The following DOCK4 variants were observed in gnomAD, a reference collection of about 807,000 sequenced individuals.
DOCK4 encodes dedicator of cytokinesis protein 4.
Under a neutral mutation model 268.1 loss-of-function variants are expected in DOCK4, and 97 were observed. The observed-to-expected ratio is 0.36, with a 90% CI of 0.31 to 0.43. The LOEUF is 0.43. DOCK4 is among the 20% of genes least tolerant of loss of function. The pLI is 1.00. For missense variants in DOCK4, 2,145 were observed against 2,455.7 expected, an observed-to-expected ratio of 0.87 and a Z score of 2.67; for synonymous variants, 954 against 887.2, an observed-to-expected ratio of 1.08 and a Z score of -1.34.
rs566544075 is a variant in DOCK4, at chr7:111,827,035, C to T, written c.2836-4579G>A. Among the ~76,000 whole-genome samples the T allele has an allele frequency of 2.0e-5, 3 of 152,200 alleles. No individual in the cohort carries two copies. In the South Asian group the frequency reaches 6.2e-4, roughly 32 times the overall value. On this transcript the variant is annotated intron_variant, in intron 26 of 52. Coordinates refer to ENST00000428084, the MANE Select transcript of DOCK4 (RefSeq NM_001363540.2). The stretch of plus-strand genomic sequence containing the variant: ...AACAAAGCATCATGAGGCTGCTACA[C>T]AGACTAGGGCATTTTCTTCTTACTT...
chr7:111,771,862 T>C (rs1206726049), intron 36 of DOCK4, among the ~76,000 whole-genome samples: 3 of 152,210 alleles, frequency 2.0e-5, no homozygotes, highest in Non-Finnish European at 4.4e-5. Context: ...AAATAACTCC[T>C]ACTTTCTCTT....
In DOCK4 at chr7:111,741,543, C is replaced by T. The variant is rs765468990; in HGVS notation, c.4916G>A (p.Arg1639His). 35 of 1,612,518 alleles carry T rather than the reference C, an allele frequency of 2.2e-5. No individual in the cohort carries two copies. Among genetic ancestry groups the T allele is most frequent in the Middle Eastern group, 1.6e-4 (1 of 6,074 alleles). Residue 1639 changes from arginine to histidine, a missense_variant, in exon 46 of 53, where the codon CGC (arginine) becomes CAC (histidine). Arg to His is a conservative substitution (Grantham distance 29). This residue lies in a region of DOCK4 where 547 missense variants were observed against 469.0 expected (regional missense o/e 1.17). Transcript: ENST00000428084. ...SPDGTRVIPR[R>H]SPLSYPAVNR... is the part of the protein sequence containing the mutation. ...GATAATTTGGAATATGACTTACCTG[C>T]GTCTAGGAATTACCCTGGTACCATC...
chr7:112,134,853 C>T (rs10953701), intron 1 of DOCK4, among the ~76,000 whole-genome samples: 73,726 of 152,010 alleles, frequency 0.49, 18,018 homozygotes, highest in African/African-American at 0.54. Context: ...AATAAGAAAA[C>T]GCTATGCTTC....
chr7:111,791,690 C>T (rs559951928), intron 30 of DOCK4, among the ~76,000 whole-genome samples: 19 of 152,188 alleles, frequency 1.2e-4, no homozygotes, highest in African/African-American at 2.9e-4. Context: ...TCATGTGATC[C>T]GCCCAGCTTG....
chr7:112,034,043 T>C (rs1437038061), intron 1 of DOCK4, among the ~76,000 whole-genome samples: 2 of 152,136 alleles, frequency 1.3e-5, no homozygotes, highest in Non-Finnish European at 1.5e-5. Flanking sequence ...ACCTAATATT[T>C]TCACTTGCAT....
intron 42 of DOCK4, among the ~76,000 whole-genome samples, chr7:111,753,704 C>A (rs1168491421): frequency 6.6e-6 from 1 of 152,294 alleles, no homozygotes; most frequent in East Asian, 1.9e-4. Context: ...TACTACCTGT[C>A]CCTGTTCTTG....
intron 8 of DOCK4, among the ~76,000 whole-genome samples, chr7:111,955,517 T>C (rs895577242): frequency 1.3e-5 from 2 of 152,212 alleles, no homozygotes; most frequent in African/African-American, 4.8e-5. Context: ...GCCAATTCCA[T>C]TGCCAATTTT....
At chr7:112,135,880 A>C (rs1814296609) in intron 1 of DOCK4, among the ~76,000 whole-genome samples, 1 of 152,204 alleles carries the variant, frequency 6.6e-6, no homozygotes, top group African/African-American at 2.4e-5. Flanking sequence ...AGAAAATAAT[A>C]AGAGAAACCA....
intron 30 of DOCK4, among the ~76,000 whole-genome samples, chr7:111,794,329 T>A (rs1054258088): frequency 2.0e-5 from 3 of 152,206 alleles, no homozygotes; most frequent in Non-Finnish European, 2.9e-5. Context: ...GAGCCTGGTC[T>A]GGGGCTCGAG....
intron 1 of DOCK4, among the ~76,000 whole-genome samples, chr7:112,065,845 G>C (rs1203280460): frequency 2.0e-5 from 3 of 152,058 alleles, no homozygotes; most frequent in Non-Finnish European, 4.4e-5. Context: ...TTAAGGAGGA[G>C]TTACAGACAT....
At chr7:112,181,639 C>CAAAA (rs55807955) in intron 1 of DOCK4, among the ~76,000 whole-genome samples, 7,546 of 64,866 alleles carry the variant, frequency 0.12, 840 homozygotes, top group Middle Eastern at 0.17. Flanking sequence ...GACACTGTCT[C>CAAAA]AAAAAAAAAA....
chr7:111,969,376 C>G (rs901892601), intron 8 of DOCK4, among the ~76,000 whole-genome samples: 1 of 149,238 alleles, frequency 6.7e-6, no homozygotes, highest in Non-Finnish European at 1.5e-5. Context: ...CCAGTTGCCA[C>G]CAGATATCTC....
intron 13 of DOCK4, among the ~76,000 whole-genome samples, chr7:111,914,866 G>C (rs1279214320): frequency 6.6e-6 from 1 of 152,146 alleles, no homozygotes; most frequent in Non-Finnish European, 1.5e-5. Context: ...TATAGCCCCA[G>C]TATTTGGAAG....
intron 1 of DOCK4, among the ~76,000 whole-genome samples, chr7:112,132,651 C>T (rs1206945678): frequency 6.6e-6 from 1 of 152,052 alleles, no homozygotes; most frequent in Non-Finnish European, 1.5e-5. Context: ...GGGGAAAGGC[C>T]TTTGGTCTTG....
chr7:111,854,901 C>T (rs1804876693), intron 23 of DOCK4, among the ~76,000 whole-genome samples: 1 of 152,198 alleles, frequency 6.6e-6, no homozygotes, highest in Non-Finnish European at 1.5e-5. Context: ...ACCCAATTCT[C>T]TATTTCATTA....
intron 4 of DOCK4, among the ~76,000 whole-genome samples, chr7:111,994,514 AG>A (rs1799776803): frequency 6.6e-6 from 1 of 152,206 alleles, no homozygotes; most frequent in Non-Finnish European, 1.5e-5. Flanking sequence ...ACGACTAGGC[AG>A]CAACTCATTT....
At chr7:111,755,038 G>A (rs1372685427) in intron 42 of DOCK4, among the ~76,000 whole-genome samples, 1 of 152,230 alleles carries the variant, frequency 6.6e-6, no homozygotes, top group Non-Finnish European at 1.5e-5. Context: ...AAATATCTGG[G>A]TTGGAGTCTC....
chr7:112,058,170 T>C (rs1806021690), intron 1 of DOCK4, among the ~76,000 whole-genome samples: 1 of 151,982 alleles, frequency 6.6e-6, no homozygotes, highest in African/African-American at 2.4e-5. Flanking sequence ...ACAAGCACCT[T>C]ATCTTGGCTT....
At chr7:111,928,530 T>C (rs1793917138) in intron 12 of DOCK4, among the ~76,000 whole-genome samples, 1 of 151,974 alleles carries the variant, frequency 6.6e-6, no homozygotes, top group Non-Finnish European at 1.5e-5. Context: ...ATGATTTAGA[T>C]CGAAGGAAAC....
Sources: allele counts gnomAD v4.1 joint callset (sites outside exome capture counted in the v4.1 genomes callset), GRCh38; gene constraint gnomAD v4.1.1; regional missense constraint gnomAD v4.1.1; transcripts MANE v1.5; gene names NCBI Gene and HGNC (gene_info 2026-07-23, HGNC 2026-07-21).